The following ABR variants were observed in gnomAD, a reference collection of about 807,000 sequenced individuals.
ABR encodes ABR activator of RhoGEF and GTPase, also known as active breakpoint cluster region-related protein.
Under a neutral mutation model 107.2 loss-of-function variants are expected in ABR, and 35 were observed. The observed-to-expected ratio is 0.33, with a 90% confidence interval of 0.25 to 0.43. ABR has a LOEUF of 0.43. ABR is among the 20% of genes least tolerant of loss of function. ABR has a pLI of 1.00. For missense variants in ABR, 815 were observed against 1,115.2 expected, an observed-to-expected ratio of 0.73 and a Z score of 3.83; for synonymous variants, 498 against 462.0, an observed-to-expected ratio of 1.08 and a Z score of -1.00.
chr17:1,012,803 T>C lies in ABR; in HGVS notation c.1852-6A>G, dbSNP rs765272185. ...ATGGAAAATTCCACTTTGATCTGGT[T>C]GGGGGGTGAGGCAGGTAAAGATTCC... On this transcript the variant is annotated splice_polypyrimidine_tract_variant and splice_region_variant and intron_variant, in intron 17 of 22. Transcript: ENST00000302538. 2.5e-6 allele frequency: 4 copies of C among 1,570,410 alleles called. No individual in the cohort carries two copies. The South Asian group carries it at 3.5e-5, about 14-fold the overall frequency.
At chr17:1,008,100 C>T (rs543678109) in intron 21 of ABR, among the ~76,000 whole-genome samples, 8 of 151,386 alleles carry the variant, frequency 5.3e-5, no homozygotes, top group African/African-American at 1.2e-4. Context: ...CCGTCTGCCT[C>T]GTGGGACCCA....
intron 6 of ABR, 61 bp from the exon 7 acceptor site, chr17:1,073,738 C>T: frequency 6.8e-7 from 1 of 1,460,794 alleles, no homozygotes; most frequent in Non-Finnish European, 9.3e-7. Context: ...CCCAACACCC[C>T]AGAGACCAGC....
chr17:1,217,213 CA>C (rs1196552306), intron 1 of ABR, among the ~76,000 whole-genome samples: 1 of 152,236 alleles, frequency 6.6e-6, no homozygotes, highest in Non-Finnish European at 1.5e-5. Flanking sequence ...ACCCCAACCC[CA>C]GAGCACAGTG....
intron 1 of ABR, among the ~76,000 whole-genome samples, chr17:1,176,567 C>T (rs185411691): frequency 2.0e-5 from 3 of 152,284 alleles, no homozygotes; most frequent in East Asian, 1.9e-4. Context: ...TAGCACAGGC[C>T]GGGCGCAGTG....
At chr17:1,216,670 G>T (rs1198854857) in intron 1 of ABR, among the ~76,000 whole-genome samples, 1 of 152,150 alleles carries the variant, frequency 6.6e-6, no homozygotes, top group African/African-American at 2.4e-5. Flanking sequence ...CACTTAGCCT[G>T]GGGCCGGCCA....
At chr17:1,124,286 A>T (rs1469853350) in intron 2 of ABR, among the ~76,000 whole-genome samples, 1 of 152,188 alleles carries the variant, frequency 6.6e-6, no homozygotes, top group East Asian at 1.9e-4. Flanking sequence ...GTGGCATCTC[A>T]GCGACTGCTC....
At chr17:1,214,799 C>T (rs1176591156) in intron 1 of ABR, among the ~76,000 whole-genome samples, 7 of 99,988 alleles carry the variant, frequency 7.0e-5, no homozygotes, top group African/African-American at 2.5e-4. Flanking sequence ...GAAACTCCAC[C>T]TCAAAGAAAA....
At chr17:1,127,973 G>C (rs551814775) in intron 1 of ABR, among the ~76,000 whole-genome samples, 1 of 152,186 alleles carries the variant, frequency 6.6e-6, no homozygotes, top group African/African-American at 2.4e-5. Context: ...CAGAACCCAG[G>C]TCTCAAATGC....
intron 2 of ABR, among the ~76,000 whole-genome samples, chr17:1,122,765 T>C (rs1282772047): frequency 2.6e-5 from 4 of 152,194 alleles, no homozygotes; most frequent in African/African-American, 9.7e-5. Flanking sequence ...TAGATATAGA[T>C]ACAGATAACG....
chr17:1,051,517 A>G lies in ABR; in HGVS notation c.1562-883T>C, dbSNP rs370730861. On this transcript the variant is annotated intron_variant, in intron 14 of 22. Transcript: ENST00000302538. This position sits in a 1 kb window ranked among gnomAD's most constrained non-coding sequence, Gnocchi z 4.3. Reference sequence around the variant, plus strand: ...AATCTACCTTGGGACCCAACTGCTGAGGCCACAGCACCGGCACGGACCCCA... The same window carrying G: ...AATCTACCTTGGGACCCAACTGCTGGGGCCACAGCACCGGCACGGACCCCA... Among the ~76,000 whole-genome samples the G allele has an allele frequency of 6.6e-6, 1 of 152,108 alleles. No homozygotes were observed. The highest frequency in any genetic ancestry group is 2.4e-5 in the African/African-American group (1 of 41,412).
intron 1 of ABR, among the ~76,000 whole-genome samples, chr17:1,152,085 C>T (rs1305055349): frequency 2.0e-5 from 3 of 151,260 alleles, no homozygotes; most frequent in Non-Finnish European, 2.9e-5. Context: ...GTCAGGAAAT[C>T]GAGACCATCC....
At chr17:1,122,774 C>T (rs185971014) in intron 2 of ABR, among the ~76,000 whole-genome samples, 232 of 152,288 alleles carry the variant, frequency 1.5e-3, no homozygotes, top group Non-Finnish European at 1.8e-3. Context: ...ATACAGATAA[C>T]GCACACACCC....
chr17:1,066,833 G>C (rs1251149355), intron 10 of ABR, among the ~76,000 whole-genome samples: 4 of 152,064 alleles, frequency 2.6e-5, no homozygotes, highest in Non-Finnish European at 5.9e-5. Flanking sequence ...CTGGCTACTT[G>C]CTTCCCCTTT....
chr17:1,038,294 G>A (rs937201498), intron 16 of ABR, among the ~76,000 whole-genome samples: 1 of 152,244 alleles, frequency 6.6e-6, no homozygotes, highest in Non-Finnish European at 1.5e-5. Context: ...CTCGGGGTGG[G>A]GGACGTGGGG....
At chr17:1,130,947 G>A (rs990152651) in intron 1 of ABR, among the ~76,000 whole-genome samples, 1 of 152,240 alleles carries the variant, frequency 6.6e-6, no homozygotes, top group African/African-American at 2.4e-5. Flanking sequence ...CAGACTGCGA[G>A]AGCATCGATT....
chr17:1,205,375 C>T (rs1047027590), intron 1 of ABR, among the ~76,000 whole-genome samples: 2 of 152,114 alleles, frequency 1.3e-5, no homozygotes, highest in Non-Finnish European at 2.9e-5. Context: ...CTAAGCATGC[C>T]GTGAAAGGCC....
rs143636608 is a variant in ABR, at chr17:1,050,934, C to G, written c.1562-300G>C. 4.4e-3 allele frequency among the ~76,000 whole-genome samples: 667 copies of G among 150,116 alleles called. 3 individuals carry two copies. The highest frequency in any genetic ancestry group is 7.3e-3 in the Non-Finnish European group (495 of 67,908). On this transcript the variant is annotated intron_variant, in intron 14 of 22. Transcript: ENST00000302538. The surrounding 1 kb of genome is among the most constrained non-coding windows in gnomAD (Gnocchi z 4.6). ...ACACTCTGCCCTTCCCACCTCGGCCCTCCCCACACTCTGGCCTCCTCCTCC... is the reference window on the plus strand; with the variant it reads ...ACACTCTGCCCTTCCCACCTCGGCCGTCCCCACACTCTGGCCTCCTCCTCC...
chr17:1,179,915 C>A lies in ABR; in HGVS notation c.-188G>T. On this transcript the variant is annotated 5_prime_UTR_variant, in exon 1 of 23. Coordinates refer to ENST00000302538, the MANE Select transcript of ABR (RefSeq NM_021962.5). The surrounding 1 kb of genome is among the most constrained non-coding windows in gnomAD (Gnocchi z 4.9). ...GAGGGCGGGGCGGGAGCCCCCAAAA[C>A]CCTCCCGAACCCTCCCGGCCCCAGC... The A allele has an allele frequency of 2.1e-6, 1 of 472,244 alleles. No individual in the cohort carries two copies. Among genetic ancestry groups the A allele is most frequent in the South Asian group, 5.8e-5 (1 of 17,226 alleles). 29.3% of individuals were successfully genotyped at this position (472,244 alleles called of 1,614,324 possible).
chr17:1,201,034 A>T (rs1433826710), intron 1 of ABR, among the ~76,000 whole-genome samples: 1 of 152,164 alleles, frequency 6.6e-6, no homozygotes, highest in Non-Finnish European at 1.5e-5. Flanking sequence ...AAAGTACAGG[A>T]AGACTTGTAA....
Sources: gnomAD v4.1 joint callset for allele counts (sites outside exome capture counted in the v4.1 genomes callset) on GRCh38, gnomAD v4.1.1 for gene constraint, Gnocchi (gnomAD v3.1) non-coding constraint, MANE v1.5 for transcripts, NCBI Gene and HGNC (gene_info 2026-07-23, HGNC 2026-07-21) for gene names.